Variants in JDP2 observed in about 807,000 individuals in gnomAD.
JDP2 encodes Jun dimerization protein 2, also known as progesterone receptor co-activator.
Under a neutral mutation model 17.1 loss-of-function variants are expected in JDP2, and 9 were observed. The ratio of observed to expected loss-of-function variants is 0.53; its 90% CI spans 0.32 to 0.92. The LOEUF (loss-of-function observed/expected upper bound fraction) is 0.92, where lower values mean the gene tolerates loss of function less well. Ranked by LOEUF, JDP2 falls within the 40% of genes least tolerant of loss-of-function variation. The probability of loss-of-function intolerance (pLI) is 0.04; values close to 1 mark genes in which losing one functional copy is unlikely to be tolerated. For synonymous variants in JDP2, 107 were observed against 95.6 expected (o/e 1.12, Z -0.69); for missense variants, 179 against 220.0 (o/e 0.81, Z 1.18).
At chr14:75,457,052 A>C (rs1300212750) in intron 2 of JDP2, among the ~76,000 whole-genome samples, 1 of 152,238 alleles carries the variant, frequency 6.6e-6, no homozygotes, top group Non-Finnish European at 1.5e-5. Context: ...GTTTGAGAAC[A>C]GGGAAAAGCA....
intron 2 of JDP2, among the ~76,000 whole-genome samples, chr14:75,460,714 C>T (rs1227391701): frequency 6.6e-6 from 1 of 152,190 alleles, no homozygotes; most frequent in Admixed American, 6.5e-5. Context: ...TCTGCTTTTG[C>T]ATATTCTTCC....
At chr14:75,445,527 T>C in intron 2 of JDP2, 1 of 985,376 alleles carries the variant, frequency 1.0e-6, no homozygotes, top group Non-Finnish European at 1.2e-6. Context: ...TTGGAGGCAA[T>C]GTAGCAAAGC....
intron 2 of JDP2, among the ~76,000 whole-genome samples, chr14:75,442,136 G>A (rs568258061): frequency 4.6e-5 from 7 of 152,076 alleles, no homozygotes; most frequent in African/African-American, 1.7e-4. Flanking sequence ...GGCAGGAGTC[G>A]GCCTACAGAT....
At chr14:75,439,973 T>C (rs1187224850) in intron 2 of JDP2, among the ~76,000 whole-genome samples, 2 of 152,240 alleles carry the variant, frequency 1.3e-5, no homozygotes, top group African/African-American at 4.8e-5. Flanking sequence ...CCTGGGGGGC[T>C]GAGTTAACAC....
At chr14:75,435,994 T>G (rs1885047710) in intron 1 of JDP2, among the ~76,000 whole-genome samples, 1 of 152,186 alleles carries the variant, frequency 6.6e-6, no homozygotes, top group Admixed American at 6.5e-5. Context: ...GCACCTCGCT[T>G]TAGACACCTT....
intron 2 of JDP2, among the ~76,000 whole-genome samples, chr14:75,458,875 G>A (rs1886226545): frequency 6.6e-6 from 1 of 152,210 alleles, no homozygotes; most frequent in South Asian, 2.1e-4. Context: ...GGAGAAGGGT[G>A]AGACATTTGG....
intron 3 of JDP2, among the ~76,000 whole-genome samples, chr14:75,465,588 C>T (rs1886537577): frequency 6.6e-6 from 1 of 152,174 alleles, no homozygotes; most frequent in African/African-American, 2.4e-5. Flanking sequence ...CCTCGGCCTC[C>T]CAAAGTTCTG....
intron 1 of JDP2, among the ~76,000 whole-genome samples, chr14:75,436,550 G>T (rs1166663657): frequency 6.6e-6 from 1 of 152,254 alleles, no homozygotes; most frequent in African/African-American, 2.4e-5. Flanking sequence ...GAGCAGTTTT[G>T]TACTAACATG....
chr14:75,467,027 A>G (rs546146052), intron 3 of JDP2, among the ~76,000 whole-genome samples: 102 of 152,286 alleles, frequency 6.7e-4, no homozygotes, highest in African/African-American at 2.4e-3. Context: ...CAAGAGCCTC[A>G]CCTGTCTACA....
chr14:75,431,108 C>G (rs1884776216), intron 1 of JDP2, among the ~76,000 whole-genome samples: 1 of 152,122 alleles, frequency 6.6e-6, no homozygotes, highest in South Asian at 2.1e-4. Context: ...GTAGTGTTAA[C>G]CCCTGCCAGC....
intron 3 of JDP2, among the ~76,000 whole-genome samples, chr14:75,464,832 TAC>T (rs745430512): frequency 5.3e-5 from 8 of 152,212 alleles, no homozygotes; most frequent in Non-Finnish European, 8.8e-5. Flanking sequence ...GCTGCCTCAG[TAC>T]ATCCTCCATC....
intron 2 of JDP2, among the ~76,000 whole-genome samples, chr14:75,454,039 C>T (rs933838474): frequency 9.2e-5 from 14 of 152,044 alleles, no homozygotes; most frequent in South Asian, 6.2e-4. Flanking sequence ...TTTTTGAAAA[C>T]GCTTATGAAA....
At chr14:75,454,657 C>G (rs986202088) in intron 2 of JDP2, among the ~76,000 whole-genome samples, 1 of 152,094 alleles carries the variant, frequency 6.6e-6, no homozygotes, top group Non-Finnish European at 1.5e-5. Flanking sequence ...AGTGAATGCA[C>G]CTTGAAGGAA....
chr14:75,431,311 TG>T (rs1466355617), intron 1 of JDP2, among the ~76,000 whole-genome samples: 13 of 152,338 alleles, frequency 8.5e-5, no homozygotes, highest in Admixed American at 1.3e-4. Flanking sequence ...AGCATTTCTC[TG>T]GTCTCCAGGG....
chr14:75,459,215 A>G (rs1317996779), intron 2 of JDP2, among the ~76,000 whole-genome samples: 2 of 152,192 alleles, frequency 1.3e-5, no homozygotes, highest in African/African-American at 4.8e-5. Context: ...ACCGCCAGCC[A>G]CTTCCTCCAG....
chr14:75,438,140 C>T lies in JDP2; in HGVS notation c.201+19C>T. On this transcript the variant is annotated intron_variant, in intron 2 of 3. Coordinates refer to ENST00000651602, the MANE Select transcript of JDP2 (RefSeq NM_001135048.2). ...AAGTGAGGTGAGCGAGCCTTTTACC[C>T]CTGGCAGATTCCAGGTCTGGCCTTA... 1 of 1,573,772 alleles carries T rather than the reference C, an allele frequency of 6.4e-7. No homozygotes were observed. Among genetic ancestry groups the T allele is most frequent in the Non-Finnish European group, 8.7e-7 (1 of 1,154,620 alleles).
intron 2 of JDP2, among the ~76,000 whole-genome samples, chr14:75,448,574 C>T (rs531759533): frequency 3.9e-5 from 6 of 152,312 alleles, no homozygotes; most frequent in South Asian, 4.1e-4. Context: ...TATGGTTCCC[C>T]GAATCTGTGT....
At chr14:75,459,471 A>G (rs1428675265) in intron 2 of JDP2, among the ~76,000 whole-genome samples, 2 of 151,992 alleles carry the variant, frequency 1.3e-5, no homozygotes, top group Admixed American at 1.3e-4. Context: ...AGAAGCTCAG[A>G]GGTGGTGAGG....
rs767188221 is a variant in JDP2 at position 75,469,426 on chromosome 14, C to G, written c.443C>G (p.Thr148Ser). The stretch of plus-strand genomic sequence containing the variant: ...ATCGTCCGGACCGACAGTGTCAAGA[C>G]CCCCGAGTCAGAAGGCAACCCACTG... ...TCIVRTDSVKTPESEGNPLLE... is the reference protein window; with the variant it reads ...TCIVRTDSVKSPESEGNPLLE... The change falls in exon 4 of 4, where the codon ACC (threonine) becomes AGC (serine). Residue 148 changes from threonine to serine, a missense_variant. Thr to Ser is a moderately conservative substitution (Grantham distance 58, BLOSUM62 1). Coordinates refer to ENST00000651602, the MANE Select transcript of JDP2 (RefSeq NM_001135048.2). The G allele has an allele frequency of 8.7e-6, 14 of 1,614,012 alleles. No homozygotes were observed. Among genetic ancestry groups the G allele is most frequent in the Non-Finnish European group, 1.2e-5 (14 of 1,179,992 alleles).
Sources: allele counts gnomAD v4.1 joint callset (sites outside exome capture counted in the v4.1 genomes callset), GRCh38; gene constraint gnomAD v4.1.1; transcripts MANE v1.5; gene names NCBI Gene and HGNC (gene_info 2026-07-23, HGNC 2026-07-21).